Variants in ZNF275 observed in about 807,000 individuals in gnomAD.
ZNF275 encodes zinc finger protein 275.
Under a neutral mutation model 4.3 loss-of-function variants are expected in ZNF275, and 4 were observed. The ratio of observed to expected loss-of-function variants is 0.93; its 90% CI spans 0.46 to 2.13. The LOEUF is 2.13. Among genes scored for constraint, ZNF275 ranks in the 30% most tolerant of loss-of-function variants. ZNF275 has a pLI of 0.02. For missense variants in ZNF275, 352 were observed against 397.1 expected (o/e 0.89, Z 0.97); for synonymous variants, 173 against 166.9 (o/e 1.04, Z -0.28).
intron 2 of ZNF275, among the ~76,000 whole-genome samples, chrX:153,341,305 T>C (rs1394225058): frequency 8.9e-6 from 1 of 112,283 alleles, no homozygotes; most frequent in Non-Finnish European, 1.9e-5. Context: ...ACCTTTCTTC[T>C]TTCAGATTAT....
At chrX:153,334,734 A>C (rs2088432750) in intron 1 of ZNF275, among the ~76,000 whole-genome samples, 1 of 106,066 alleles carries the variant, frequency 9.4e-6, no homozygotes, top group African/African-American at 3.4e-5. Flanking sequence ...TGGAGGGGGC[A>C]TTGTAGGGGT....
At chrX:153,346,336 G>A (rs1304273011) in intron 3 of ZNF275, among the ~76,000 whole-genome samples, 1 of 108,839 alleles carries the variant, frequency 9.2e-6, no homozygotes, top group African/African-American at 3.4e-5. Flanking sequence ...GATCAGCAGG[G>A]CCCTTTGGAG....
chrX:153,347,636 C>T lies in ZNF275; in HGVS notation c.951C>T (p.Gly317=). The part of the protein sequence containing the change: ...ELTKHRRIHT[G]EKPYACGQCG... The stretch of plus-strand genomic sequence containing the variant: ...CCAAGCACCGGCGGATCCACACGGG[C>T]GAGAAGCCCTACGCCTGCGGCCAGT... Residue 317 remains glycine (G), a synonymous_variant, in exon 4 of 4, where the codon GGC becomes GGT. Transcript: ENST00000650114. 8.3e-7 allele frequency: 1 copy of T among 1,201,087 alleles called. No individual in the cohort carries two copies. Among genetic ancestry groups the T allele is most frequent in the Non-Finnish European group, 1.1e-6 (1 of 890,794 alleles).
At chrX:153,345,347 C>T (rs2088505862) in intron 2 of ZNF275, 173 bp from the exon 3 acceptor site, 2 of 375,748 alleles carry the variant, frequency 5.3e-6, no homozygotes, top group South Asian at 4.0e-5. Context: ...TCCTCAAGCT[C>T]CTGGAAGGAG....
chrX:153,341,353 G>A (rs1452384205), intron 2 of ZNF275, among the ~76,000 whole-genome samples: 1 of 111,868 alleles, frequency 8.9e-6, no homozygotes, highest in African/African-American at 3.3e-5. Context: ...TGGCTTATTA[G>A]CATGTATCAG....
chrX:153,350,223 C>G lies in ZNF275; in HGVS notation c.*2248C>G, dbSNP rs2088547902. 1 of 124,189 alleles carries G rather than the reference C, an allele frequency of 8.1e-6. No homozygotes were observed. Among genetic ancestry groups the G allele is most frequent in the African/African-American group, 3.2e-5 (1 of 31,115 alleles). 10.2% of individuals were successfully genotyped at this position (124,189 alleles called of 1,213,427 possible). On this transcript the variant is annotated 3_prime_UTR_variant, in exon 4 of 4. Coordinates refer to ENST00000650114, the MANE Select transcript of ZNF275 (RefSeq NM_001367757.1). ...CTGGCATCACTTCCTATAGCCACACCTAAGTGAGGGCAACAGAGCAGAGGC... is the reference window on the plus strand; with the variant it reads ...CTGGCATCACTTCCTATAGCCACACGTAAGTGAGGGCAACAGAGCAGAGGC...
At chrX:153,335,258 C>A (rs1199467109) in intron 1 of ZNF275, among the ~76,000 whole-genome samples, 1 of 110,023 alleles carries the variant, frequency 9.1e-6, no homozygotes, top group African/African-American at 3.3e-5. Flanking sequence ...CTTGACCTAG[C>A]TGGGCATGCG....
rs2088547490 is a variant in ZNF275 at position 153,350,172 on chromosome X, G to C, written c.*2197G>C. The C allele has an allele frequency of 8.0e-6, 1 of 124,374 alleles. No individual in the cohort carries two copies. The highest frequency in any genetic ancestry group is 3.2e-5 in the African/African-American group (1 of 31,154). The allele number at this position is 124,374 out of a possible 1,213,427, so 10.2% of individuals were successfully genotyped here. On this transcript the variant is annotated 3_prime_UTR_variant, in exon 4 of 4. Transcript: ENST00000650114. ...GGTTCATAGGCTTCTGCTGTGGGCAGCTAGGGGAAAATTCACCCATGTGTT... is the reference window on the plus strand; with the variant it reads ...GGTTCATAGGCTTCTGCTGTGGGCACCTAGGGGAAAATTCACCCATGTGTT...
At position 153,345,601 on chromosome X, in the gene ZNF275, C is replaced by T. The variant is rs781893185; in HGVS notation, c.113C>T (p.Thr38Ile). 1.7e-6 allele frequency: 2 copies of T among 1,208,605 alleles called. No homozygotes were observed. Among genetic ancestry groups the T allele is most frequent in the East Asian group, 5.9e-5 (2 of 33,775 alleles). Residue 38 changes from threonine (T) to isoleucine (I), a missense_variant, in exon 3 of 4, where the codon ACT (threonine) becomes ATT (isoleucine). By Grantham distance (89) the Thr-to-Ile change is moderately conservative. Coordinates refer to ENST00000650114, the MANE Select transcript of ZNF275 (RefSeq NM_001367757.1). ...VLLVSDPSPN[T>I]DPAKYSESTS... ...CTGGTGTCAGACCCATCGCCCAACA[C>T]TGATCCTGCTAAGTACTCTGGTGAG... is the stretch of plus-strand genomic sequence containing the variant.
chrX:153,340,551 A>T (rs1556960969), intron 2 of ZNF275, among the ~76,000 whole-genome samples: 1 of 112,983 alleles, frequency 8.9e-6, no homozygotes, highest in African/African-American at 3.2e-5. Flanking sequence ...AAAGTCTTTT[A>T]AAAGCAAAAT....
At chrX:153,336,604 C>A in intron 1 of ZNF275, 30 bp from the exon 2 acceptor site, 1 of 1,062,965 alleles carries the variant, frequency 9.4e-7, no homozygotes, top group Non-Finnish European at 1.3e-6. Flanking sequence ...AGGTCTGCTT[C>A]TGTTCACCTG....
chrX:153,340,753 T>A (rs1402656967), intron 2 of ZNF275, among the ~76,000 whole-genome samples: 2 of 112,158 alleles, frequency 1.8e-5, no homozygotes, highest in African/African-American at 6.5e-5. Flanking sequence ...TCCTTTTTTC[T>A]CCTAAAATGC....
chrX:153,347,525 G>A lies in ZNF275; in HGVS notation c.840G>A (p.Leu280=), dbSNP rs1231450651. 2 of 1,191,646 alleles carry A rather than the reference G, an allele frequency of 1.7e-6. No individual in the cohort carries two copies. The highest frequency in any genetic ancestry group is 3.0e-5 in the East Asian group (1 of 33,579). The change falls in exon 4 of 4, where the codon CTG becomes CTA. Residue 280 remains leucine, a synonymous_variant. Transcript: ENST00000650114. ...CGKSFRGVNG[L]AEHQRIHSGA... The stretch of plus-strand genomic sequence containing the variant: ...AGTCCTTCCGAGGGGTCAACGGGCT[G>A]GCCGAGCACCAGCGCATCCACAGTG...
intron 2 of ZNF275, chrX:153,345,130 G>A (rs1324265424): frequency 5.2e-6 from 1 of 191,436 alleles, no homozygotes; most frequent in African/African-American, 2.9e-5. Context: ...GGGTCTGCAT[G>A]TGTGCAGTGG....
At chrX:153,339,202 C>A (rs1218932321) in intron 2 of ZNF275, among the ~76,000 whole-genome samples, 2 of 111,730 alleles carry the variant, frequency 1.8e-5, no homozygotes, top group Non-Finnish European at 3.8e-5. Flanking sequence ...ACTGGGGACT[C>A]AGGAGTGACC....
In ZNF275 at chrX:153,347,430, C is replaced by T; in HGVS notation, c.745C>T (p.Arg249Cys). 2.5e-6 allele frequency: 3 copies of T among 1,211,575 alleles called. No homozygotes were observed. The highest frequency in any genetic ancestry group is 1.8e-5 in the South Asian group (1 of 56,912). ...CKACSRDFLDRQELLKHQRMH... is the reference protein window; with the variant it reads ...CKACSRDFLDCQELLKHQRMH... ...GGCGTGCAGCAGGGATTTCCTGGAT[C>T]GCCAGGAGCTTCTCAAGCACCAGCG... The change falls in exon 4 of 4, where the codon CGC becomes TGC. Residue 249 changes from arginine (R) to cysteine (C), a missense_variant. Arg to Cys is a radical substitution (Grantham distance 180, BLOSUM62 -3). Transcript: ENST00000650114.
chrX:153,352,677 C>T lies in ZNF275; in HGVS notation c.*4702C>T, dbSNP rs1238205686. ...TATGTCCCACCCCAGTTTGTATTTCCGTTGGTTGTTGGCACTTTTTTCTCA... is the reference window on the plus strand; with the variant it reads ...TATGTCCCACCCCAGTTTGTATTTCTGTTGGTTGTTGGCACTTTTTTCTCA... On this transcript the variant is annotated 3_prime_UTR_variant, in exon 4 of 4. Coordinates refer to ENST00000650114, the MANE Select transcript of ZNF275 (RefSeq NM_001367757.1). 8.9e-6 allele frequency: 1 copy of T among 111,991 alleles called. No homozygotes were observed. Among genetic ancestry groups the T allele is most frequent in the African/African-American group, 3.3e-5 (1 of 30,768 alleles). The allele number at this position is 111,991 out of a possible 1,213,427, so 9.2% of individuals were successfully genotyped here. A position where few individuals can be genotyped will look rare whatever the true frequency, so the allele number is the denominator to read the frequency against.
At position 153,346,811 on chromosome X, in the gene ZNF275, C is replaced by T. The variant is rs782381680; in HGVS notation, c.134-8C>T. 2.5e-6 allele frequency: 3 copies of T among 1,181,566 alleles called. No homozygotes were observed. The highest frequency in any genetic ancestry group is 3.4e-6 in the Non-Finnish European group (3 of 879,431). ...GCAGACTACACTGCCTTGTGTTTAT[C>T]GTTTCAGAAAGCACCTCCGCGACCC... is the stretch of plus-strand genomic sequence containing the variant. On this transcript the variant is annotated splice_polypyrimidine_tract_variant and splice_region_variant and intron_variant, in intron 3 of 3. Transcript: ENST00000650114.
intron 2 of ZNF275, among the ~76,000 whole-genome samples, chrX:153,337,780 T>G (rs1016786928): frequency 1.8e-5 from 2 of 112,289 alleles, no homozygotes; most frequent in Non-Finnish European, 3.8e-5. Flanking sequence ...TCTGGGAGTT[T>G]ATAGTCTTTA....
Sources: gnomAD v4.1 joint callset for allele counts (sites outside exome capture counted in the v4.1 genomes callset) on GRCh38, gnomAD v4.1.1 for gene constraint, MANE v1.5 for transcripts, NCBI Gene and HGNC (gene_info 2026-07-23, HGNC 2026-07-21) for gene names.